Variants in TRAK1 observed in about 807,000 individuals in gnomAD.
TRAK1 encodes the protein trafficking kinesin-binding protein 1.
A neutral mutation model predicts 92.1 loss-of-function variants in TRAK1; 33 were observed. The ratio of observed to expected loss-of-function variants is 0.36; its 90% CI spans 0.27 to 0.48. TRAK1 has a LOEUF of 0.48. Among genes scored for constraint, TRAK1 ranks in the 20% least tolerant of loss-of-function variants. The pLI is 0.99. For synonymous variants in TRAK1, 521 were observed against 517.3 expected, an observed-to-expected ratio of 1.01 and a Z score of -0.10; for missense variants, 1,123 against 1,257.9, an observed-to-expected ratio of 0.89 and a Z score of 1.62.
At chr3:42,063,174 A>G (rs1270319302) in intron 1 of TRAK1, among the ~76,000 whole-genome samples, 1 of 152,210 alleles carries the variant, frequency 6.6e-6, no homozygotes, top group Non-Finnish European at 1.5e-5. Flanking sequence ...ATTCATTTCC[A>G]TATTTTCTGA....
intron 1 of TRAK1, among the ~76,000 whole-genome samples, chr3:42,115,173 C>T (rs2133076): frequency 0.62 from 94,578 of 152,104 alleles, 29,725 homozygotes; most frequent in South Asian, 0.76. Context: ...CGTTAACTTT[C>T]ACGTTTAAAA....
chr3:42,036,304 G>C (rs1702324544), intron 1 of TRAK1, among the ~76,000 whole-genome samples: 1 of 152,218 alleles, frequency 6.6e-6, no homozygotes, highest in Admixed American at 6.5e-5. Flanking sequence ...AGCACTAGCA[G>C]TGCCTCACAG....
chr3:42,098,463 A>G (rs1188686970), intron 1 of TRAK1, among the ~76,000 whole-genome samples: 1 of 152,124 alleles, frequency 6.6e-6, no homozygotes, highest in Non-Finnish European at 1.5e-5. Context: ...TTGAATTATT[A>G]GCTGGAGTTA....
chr3:42,082,930 T>C (rs1704503641), upstream of TRAK1, among the ~76,000 whole-genome samples: 1 of 152,236 alleles, frequency 6.6e-6, no homozygotes, highest in African/African-American at 2.4e-5. Context: ...GTTGTGATGC[T>C]TCCTCTTGGC....
intron 14 of TRAK1, among the ~76,000 whole-genome samples, chr3:42,214,033 G>C (rs1349481207): frequency 6.6e-6 from 1 of 152,110 alleles, no homozygotes; most frequent in East Asian, 1.9e-4. Flanking sequence ...AATGAATGAA[G>C]AATGAAAGAA....
At chr3:42,034,651 C>A (rs183888180) in intron 1 of TRAK1, among the ~76,000 whole-genome samples, 1 of 152,114 alleles carries the variant, frequency 6.6e-6, no homozygotes, top group African/African-American at 2.4e-5. Context: ...CTAGACTTTC[C>A]GTGTCTTTCT....
rs905579570 is a variant in TRAK1 at position 42,223,528 on chromosome 3, G to A, written c.2653G>A (p.Val885Ile). The A allele has an allele frequency of 5.0e-6, 8 of 1,613,656 alleles. No homozygotes were observed. The Admixed American group carries it at 1.2e-4, about 24-fold the overall frequency. ...GCCCCCGGGGCCAGCACCAGCCCTT[G>A]TTCCCAGAGGCCTGGTACCTGAGGG... The part of the protein sequence containing the change: ...CGPPGPAPAL[V>I]PRGLVPEGLP... The change falls in exon 16 of 16, where the codon GTT becomes ATT. Residue 885 changes from valine to isoleucine, a missense_variant. This residue lies in a region of TRAK1 where 401 missense variants were observed against 438.9 expected (regional missense o/e 0.91). Coordinates refer to ENST00000327628, the MANE Select transcript of TRAK1 (RefSeq NM_001042646.3). The surrounding 1 kb of genome is among the most constrained non-coding windows in gnomAD (Gnocchi z 6.1).
At chr3:42,219,223 T>C in intron 14 of TRAK1, 1 of 979,402 alleles carries the variant, frequency 1.0e-6, no homozygotes, top group Non-Finnish European at 1.2e-6. Flanking sequence ...CCAGACTGGA[T>C]CCACTACTGG....
intron 1 of TRAK1, among the ~76,000 whole-genome samples, chr3:42,108,378 C>G (rs920517949): frequency 3.3e-5 from 5 of 151,156 alleles, no homozygotes. Context: ...GTAGTCCTAG[C>G]TACTTGGGAA....
At chr3:42,130,720 G>T (rs1697084237) in intron 2 of TRAK1, among the ~76,000 whole-genome samples, 1 of 151,992 alleles carries the variant, frequency 6.6e-6, no homozygotes, top group South Asian at 2.1e-4. Flanking sequence ...GAGGGAGGGG[G>T]GTCTGGGAAC....
intron 2 of TRAK1, among the ~76,000 whole-genome samples, chr3:42,128,474 C>T (rs1710873172): frequency 6.6e-6 from 1 of 152,198 alleles, no homozygotes; most frequent in South Asian, 2.1e-4. Context: ...ATTGAACGAT[C>T]AGGTGTTAAC....
intron 1 of TRAK1, among the ~76,000 whole-genome samples, chr3:42,080,336 A>C (rs540813411): frequency 9.1e-4 from 138 of 152,232 alleles, no homozygotes; most frequent in African/African-American, 3.1e-3. Context: ...CACCCACCCC[A>C]GGCTCAGCTT....
intron 14 of TRAK1, 142 bp from the exon 15 acceptor site, chr3:42,219,351 AT>A: frequency 1.3e-6 from 2 of 1,544,630 alleles, no homozygotes; most frequent in Non-Finnish European, 1.7e-6. Context: ...AATCCAGAAC[AT>A]TTGCGTTTCA....
At chr3:42,035,211 TC>T (rs1702283515) in intron 1 of TRAK1, among the ~76,000 whole-genome samples, 1 of 152,140 alleles carries the variant, frequency 6.6e-6, no homozygotes, top group South Asian at 2.1e-4. Flanking sequence ...AAATGCTGTT[TC>T]CCTTGGCTTC....
At chr3:42,212,892 T>C (rs776098081) in intron 14 of TRAK1, among the ~76,000 whole-genome samples, 14 of 152,156 alleles carry the variant, frequency 9.2e-5, no homozygotes, top group Non-Finnish European at 1.8e-4. Flanking sequence ...TCAAGCCACA[T>C]GGATAGAGAA....
Position 42,223,878 on chromosome 3 carries a change from G to A in TRAK1, c.*141G>A, listed in dbSNP as rs62257357. 3,024 of 939,824 alleles carry A rather than the reference G, an allele frequency of 3.2e-3. 9 individuals carry two copies. The highest frequency in any genetic ancestry group is 4.3e-3 in the Non-Finnish European group (2,713 of 626,236). 58.2% of individuals were successfully genotyped at this position (939,824 alleles called of 1,614,324 possible). A position where few individuals can be genotyped will look rare whatever the true frequency, so the allele number is the denominator to read the frequency against. ...CTCCTAAGCTAGACAAATCAACCTC[G>A]TGCCTAATGGAGGAAGTGTGGAAAC... On this transcript the variant is annotated 3_prime_UTR_variant, in exon 16 of 16. Coordinates refer to ENST00000327628, the MANE Select transcript of TRAK1 (RefSeq NM_001042646.3). This position sits in a 1 kb window ranked among gnomAD's most constrained non-coding sequence, Gnocchi z 6.1.
At chr3:42,077,332 A>G (rs990178470) in intron 1 of TRAK1, among the ~76,000 whole-genome samples, 1 of 152,174 alleles carries the variant, frequency 6.6e-6, no homozygotes, top group African/African-American at 2.4e-5. Flanking sequence ...TCTGTCATCC[A>G]CACTGGAGTG....
intron 1 of TRAK1, among the ~76,000 whole-genome samples, chr3:42,066,033 G>C (rs983220412): frequency 6.6e-6 from 1 of 152,182 alleles, no homozygotes; most frequent in Non-Finnish European, 1.5e-5. Flanking sequence ...CCCTATTAAA[G>C]TTTTAGTTGA....
At chr3:42,098,540 G>T (rs540864147) in intron 1 of TRAK1, among the ~76,000 whole-genome samples, 52 of 152,304 alleles carry the variant, frequency 3.4e-4, no homozygotes, top group Non-Finnish European at 6.3e-4. Flanking sequence ...TGAGTTCTGT[G>T]GAGGGAACCT....
Sources: gnomAD v4.1 joint callset for allele counts (sites outside exome capture counted in the v4.1 genomes callset) on GRCh38, gnomAD v4.1.1 for gene constraint, gnomAD v4.1.1 regional missense constraint, Gnocchi (gnomAD v3.1) non-coding constraint, MANE v1.5 for transcripts, NCBI Gene and HGNC (gene_info 2026-07-23, HGNC 2026-07-21) for gene names.